The following MSRA variants were observed in gnomAD, a reference collection of about 807,000 sequenced individuals.
MSRA encodes methionine sulfoxide reductase A.
A neutral mutation model predicts 31.3 loss-of-function variants in MSRA; 54 were observed. The observed-to-expected ratio is 1.73, with a 90% CI of 1.39 to 2.17. MSRA has a LOEUF of 2.17. MSRA is among the 30% of genes most tolerant of loss of function. The probability of loss-of-function intolerance (pLI) is 0.00; values close to 1 mark genes in which losing one functional copy is unlikely to be tolerated. For synonymous variants in MSRA, 169 were observed against 116.5 expected (o/e 1.45, Z -2.90); for missense variants, 507 against 300.9 (o/e 1.69, Z -5.07).
At chr8:10,076,781 C>G (rs528291115) in intron 1 of MSRA, among the ~76,000 whole-genome samples, 1 of 152,040 alleles carries the variant, frequency 6.6e-6, no homozygotes, top group Admixed American at 6.6e-5. Flanking sequence ...GTGTCTCCAC[C>G]CAGCTCCGAT....
At chr8:10,269,229 CCA>C (rs1405913777) in intron 3 of MSRA, among the ~76,000 whole-genome samples, 1 of 152,178 alleles carries the variant, frequency 6.6e-6, no homozygotes, top group African/African-American at 2.4e-5. Context: ...AGAAATGATA[CCA>C]CAGAGTGAGC....
intron 1 of MSRA, among the ~76,000 whole-genome samples, chr8:10,155,411 G>A (rs1244439132): frequency 1.3e-5 from 2 of 152,162 alleles, no homozygotes; most frequent in South Asian, 2.1e-4. Context: ...TGTTGTGGTT[G>A]TATCAACTGA....
intron 1 of MSRA, among the ~76,000 whole-genome samples, chr8:10,120,472 C>T (rs1585193342): frequency 6.6e-6 from 1 of 152,336 alleles, no homozygotes; most frequent in Middle Eastern, 3.4e-3. Flanking sequence ...GACCAGCTCT[C>T]TGTGTATGGC....
intron 1 of MSRA, among the ~76,000 whole-genome samples, chr8:10,203,388 A>G (rs1292074487): frequency 2.0e-5 from 3 of 152,228 alleles, no homozygotes; most frequent in Admixed American, 2.0e-4. Flanking sequence ...GAACACACGC[A>G]TGTACACATA....
chr8:10,146,685 A>G (rs1803171833), intron 1 of MSRA, among the ~76,000 whole-genome samples: 1 of 152,104 alleles, frequency 6.6e-6, no homozygotes, highest in East Asian at 1.9e-4. Flanking sequence ...TGGTATGTGA[A>G]TTATATCTCA....
chr8:10,310,793 C>G (rs1435693517), intron 4 of MSRA, among the ~76,000 whole-genome samples: 1 of 152,126 alleles, frequency 6.6e-6, no homozygotes, highest in East Asian at 1.9e-4. Context: ...GCACATGGCC[C>G]CACAGTGCTA....
At chr8:10,408,232 A>G (rs960329310) in intron 5 of MSRA, among the ~76,000 whole-genome samples, 9 of 152,132 alleles carry the variant, frequency 5.9e-5, no homozygotes, top group African/African-American at 2.2e-4. Flanking sequence ...ACATCTGCAT[A>G]GTGACATTTA....
intron 5 of MSRA, among the ~76,000 whole-genome samples, chr8:10,396,097 G>A (rs1807081389): frequency 6.6e-6 from 1 of 152,064 alleles, no homozygotes; most frequent in Admixed American, 6.5e-5. Flanking sequence ...CATCTCTCAG[G>A]CCTGATCCCC....
intron 3 of MSRA, among the ~76,000 whole-genome samples, chr8:10,259,751 GTGCTTTCCAC>G (rs1324229844): frequency 3.9e-5 from 6 of 152,180 alleles, no homozygotes; most frequent in Non-Finnish European, 8.8e-5. Context: ...GAGATTCAGG[GTGCTTTCCAC>G]CCTCTCCCGG....
intron 4 of MSRA, among the ~76,000 whole-genome samples, chr8:10,310,861 G>A (rs747073610): frequency 6.6e-6 from 1 of 152,152 alleles, no homozygotes; most frequent in African/African-American, 2.4e-5. Context: ...CACATTATCC[G>A]ATGATTTTAA....
At chr8:10,258,473 G>C (rs1273037661) in intron 3 of MSRA, among the ~76,000 whole-genome samples, 1 of 152,118 alleles carries the variant, frequency 6.6e-6, no homozygotes, top group African/African-American at 2.4e-5. Flanking sequence ...CCCTATTCTT[G>C]TGACACCTGG....
At chr8:10,200,963 T>A (rs144763131) in intron 1 of MSRA, among the ~76,000 whole-genome samples, 1 of 152,124 alleles carries the variant, frequency 6.6e-6, no homozygotes, top group Non-Finnish European at 1.5e-5. Flanking sequence ...GCTGCAGAGA[T>A]GGGAGTGGCT....
At chr8:10,423,523 GT>G (rs1163735747) in intron 5 of MSRA, among the ~76,000 whole-genome samples, 4 of 151,888 alleles carry the variant, frequency 2.6e-5, no homozygotes, top group Admixed American at 2.0e-4. Flanking sequence ...GGGAGGGGGG[GT>G]GGCAGCAGAG....
chr8:10,224,105 C>T (rs28592196), intron 2 of MSRA, among the ~76,000 whole-genome samples: 1,979 of 152,198 alleles, frequency 0.013, 45 homozygotes, highest in African/African-American at 0.044. Context: ...AGAATATGTA[C>T]GTTTTATAGG....
intron 1 of MSRA, among the ~76,000 whole-genome samples, chr8:10,092,864 G>A (rs545584120): frequency 1.3e-5 from 2 of 151,948 alleles, no homozygotes; most frequent in African/African-American, 2.4e-5. Flanking sequence ...TGTATTTTGG[G>A]GCTCTGTTCT....
At chr8:10,210,619 A>G (rs1809392452) in intron 2 of MSRA, among the ~76,000 whole-genome samples, 1 of 152,192 alleles carries the variant, frequency 6.6e-6, no homozygotes, top group African/African-American at 2.4e-5. Flanking sequence ...GATGTCTTAC[A>G]TTCCCTTGAC....
chr8:10,113,984 C>T (rs913990777), intron 1 of MSRA, among the ~76,000 whole-genome samples: 5 of 152,138 alleles, frequency 3.3e-5, no homozygotes, highest in African/African-American at 1.2e-4. Context: ...TCCCCCTGTC[C>T]TTGGCAATTA....
At chr8:10,261,982 G>C (rs1386037768) in intron 3 of MSRA, among the ~76,000 whole-genome samples, 3 of 152,162 alleles carry the variant, frequency 2.0e-5, no homozygotes, top group Admixed American at 1.3e-4. Context: ...CCAGTAAATA[G>C]CATGTTTAGA....
Position 10,163,738 on chromosome 8 carries a change from A to C in MSRA, c.143-44095A>C, listed in dbSNP as rs576666142. On this transcript the variant is annotated intron_variant, in intron 1 of 5. Transcript: ENST00000317173. ...GTGAAGGAAGGATAACATGGCAGCCAGAGGCGTCATCAAAGGGGAGGATGG... is the reference window on the plus strand; with the variant it reads ...GTGAAGGAAGGATAACATGGCAGCCCGAGGCGTCATCAAAGGGGAGGATGG... Among the ~76,000 whole-genome samples the C allele has an allele frequency of 1.5e-4, 23 of 152,388 alleles. No individual in the cohort carries two copies. In the South Asian group the frequency reaches 4.8e-3, roughly 32 times the overall value.
Sources: allele counts gnomAD v4.1 joint callset (sites outside exome capture counted in the v4.1 genomes callset), GRCh38; gene constraint gnomAD v4.1.1; transcripts MANE v1.5; gene names NCBI Gene and HGNC (gene_info 2026-07-23, HGNC 2026-07-21).